NKAIN3: variants seen among roughly 807,000 people sequenced by gnomAD.
The protein encoded by NKAIN3 is sodium/potassium-transporting ATPase subunit beta-1-interacting protein 3.
Under a neutral mutation model 30.2 loss-of-function variants are expected in NKAIN3, and 25 were observed. The ratio of observed to expected loss-of-function variants is 0.83; its 90% CI spans 0.60 to 1.16. NKAIN3 has a LOEUF of 1.16. NKAIN3 is among the 50% of genes most tolerant of loss of function. NKAIN3 has a pLI of 0.00. For synonymous variants in NKAIN3, 91 were observed against 89.6 expected (o/e 1.02, Z -0.09); for missense variants, 225 against 254.1 (o/e 0.89, Z 0.78).
At chr8:62,591,005 CT>C in intron 3 of NKAIN3, among the ~76,000 whole-genome samples, 1 of 151,968 alleles carries the variant, frequency 6.6e-6, no homozygotes, top group East Asian at 1.9e-4. Flanking sequence ...AAATTAATGT[CT>C]AGTTATATTC....
chr8:62,804,252 A>G (rs1221778950), intron 4 of NKAIN3, among the ~76,000 whole-genome samples: 3 of 152,212 alleles, frequency 2.0e-5, no homozygotes, highest in Non-Finnish European at 4.4e-5. Context: ...AATCCTCCCT[A>G]ACTCATTTTA....
intron 4 of NKAIN3, among the ~76,000 whole-genome samples, chr8:62,882,080 A>G (rs1229309334): frequency 6.6e-6 from 1 of 152,070 alleles, no homozygotes; most frequent in Non-Finnish European, 1.5e-5. Flanking sequence ...TCTTTGGGCC[A>G]TTTTTTAATA....
intron 1 of NKAIN3, among the ~76,000 whole-genome samples, chr8:62,555,047 CACACACACAT>C (rs1008519543): frequency 2.2e-5 from 3 of 134,060 alleles, no homozygotes; most frequent in Non-Finnish European, 3.3e-5. Flanking sequence ...CACACACACA[CACACACACAT>C]GCCTAGCTAT....
At chr8:62,859,253 G>T (rs558068645) in intron 4 of NKAIN3, among the ~76,000 whole-genome samples, 44 of 152,142 alleles carry the variant, frequency 2.9e-4, no homozygotes, top group African/African-American at 9.4e-4. Context: ...CATGAGTTGG[G>T]TTATTTCCCT....
At chr8:62,733,707 ACT>A (rs113655290) in intron 3 of NKAIN3, among the ~76,000 whole-genome samples, 5,176 of 152,094 alleles carry the variant, frequency 0.034, 119 homozygotes, top group Middle Eastern at 0.082. Context: ...TCACCTCCAA[ACT>A]CTGATCAGAT....
intron 5 of NKAIN3, among the ~76,000 whole-genome samples, chr8:62,936,554 C>T (rs1822795126): frequency 6.6e-6 from 1 of 152,054 alleles, no homozygotes; most frequent in African/African-American, 2.4e-5. Flanking sequence ...TAAATTAACA[C>T]CATACAAAAT....
chr8:62,304,101 G>A (rs1240121313), intron 1 of NKAIN3, among the ~76,000 whole-genome samples: 7 of 150,440 alleles, frequency 4.7e-5, no homozygotes, highest in African/African-American at 2.5e-5. Flanking sequence ...ATAGCCATCA[G>A]CATATATACA....
intron 4 of NKAIN3, among the ~76,000 whole-genome samples, chr8:62,870,738 TATATCTAG>T (rs1464318522): frequency 1.1e-4 from 11 of 96,122 alleles, no homozygotes; most frequent in East Asian, 2.3e-4. Context: ...TATATCTATA[TATATCTAG>T]ATATCTAGAT....
chr8:62,911,105 A>G (rs1226389774), intron 4 of NKAIN3, among the ~76,000 whole-genome samples: 2 of 152,196 alleles, frequency 1.3e-5, no homozygotes, highest in Non-Finnish European at 2.9e-5. Flanking sequence ...AGACAAAATA[A>G]TAATTCGCTT....
intron 1 of NKAIN3, among the ~76,000 whole-genome samples, chr8:62,353,343 C>A (rs955395907): frequency 6.6e-6 from 1 of 152,160 alleles, no homozygotes; most frequent in Non-Finnish European, 1.5e-5. Context: ...TCTATTTCTG[C>A]AAAGAAATGA....
intron 1 of NKAIN3, among the ~76,000 whole-genome samples, chr8:62,433,572 A>G (rs36071181): frequency 0.019 from 2,911 of 152,214 alleles, 51 homozygotes; most frequent in Middle Eastern, 0.044. Context: ...TAGAAATAGA[A>G]ATTTAGATAT....
At chr8:62,910,314 T>G (rs1163433021) in intron 4 of NKAIN3, among the ~76,000 whole-genome samples, 3 of 152,126 alleles carry the variant, frequency 2.0e-5, no homozygotes, top group Admixed American at 2.0e-4. Flanking sequence ...CCAAAGAGCT[T>G]ACTCTCTTTT....
At chr8:62,870,758 T>C (rs1219518937) in intron 4 of NKAIN3, among the ~76,000 whole-genome samples, 2 of 146,768 alleles carry the variant, frequency 1.4e-5, no homozygotes, top group East Asian at 2.0e-4. Context: ...TATCTAGATA[T>C]ATAGATATAT....
At chr8:62,456,348 A>G (rs910899801) in intron 1 of NKAIN3, among the ~76,000 whole-genome samples, 2 of 151,870 alleles carry the variant, frequency 1.3e-5, no homozygotes, top group African/African-American at 2.4e-5. Context: ...GTGAAACCCC[A>G]TCTCTACTAA....
intron 4 of NKAIN3, among the ~76,000 whole-genome samples, chr8:62,838,407 G>A (rs1012550458): frequency 6.6e-6 from 1 of 151,602 alleles, no homozygotes; most frequent in Admixed American, 6.6e-5. Flanking sequence ...GAGTTAGGTG[G>A]GACATTTAGA....
chr8:62,608,054 A>G (rs553626079), intron 3 of NKAIN3, among the ~76,000 whole-genome samples: 1 of 152,310 alleles, frequency 6.6e-6, no homozygotes, highest in Admixed American at 6.5e-5. Flanking sequence ...AAACAAATCA[A>G]GACTCCTTAT....
chr8:62,865,629 G>A (rs1820393700), intron 4 of NKAIN3, among the ~76,000 whole-genome samples: 1 of 151,984 alleles, frequency 6.6e-6, no homozygotes, highest in Non-Finnish European at 1.5e-5. Context: ...TTTGTGTTTT[G>A]GCAGGGTTTG....
intron 3 of NKAIN3, among the ~76,000 whole-genome samples, chr8:62,598,353 A>T (rs922944245): frequency 6.6e-6 from 1 of 152,016 alleles, no homozygotes; most frequent in African/African-American, 2.4e-5. Context: ...GCATCTGTGT[A>T]TGCCTAAGGT....
intron 1 of NKAIN3, among the ~76,000 whole-genome samples, chr8:62,308,326 A>G: frequency 6.7e-6 from 1 of 149,890 alleles, no homozygotes. Context: ...GTTTTTGAGG[A>G]GTGATGTGTA....
Sources: gnomAD v4.1 joint callset for allele counts (sites outside exome capture counted in the v4.1 genomes callset) on GRCh38, gnomAD v4.1.1 for gene constraint, MANE v1.5 for transcripts, NCBI Gene and HGNC (gene_info 2026-07-23, HGNC 2026-07-21) for gene names.